NFIC: variants seen among roughly 807,000 people sequenced by gnomAD.
The protein encoded by NFIC is nuclear factor 1 C-type.
A neutral mutation model predicts 54.4 loss-of-function variants in NFIC; 12 were observed. The observed-to-expected ratio is 0.22, with a 90% CI of 0.14 to 0.36. The LOEUF (loss-of-function observed/expected upper bound fraction) is 0.36, where lower values mean the gene tolerates loss of function less well. NFIC is among the 10% of genes least tolerant of loss of function. The probability of loss-of-function intolerance (pLI) is 1.00; values close to 1 mark genes in which losing one functional copy is unlikely to be tolerated. For missense variants in NFIC, 575 were observed against 718.2 expected (o/e 0.80, Z 2.28); for synonymous variants, 322 against 319.2 (o/e 1.01, Z -0.09).
Position 3,452,761 on chromosome 19 carries a change from A to T in NFIC, c.1269+95A>T. 7.0e-7 allele frequency: 1 copy of T among 1,438,594 alleles called. No homozygotes were observed. Among genetic ancestry groups the T allele is most frequent in the East Asian group, 2.3e-5 (1 of 43,212 alleles). The allele number at this position is 1,438,594 out of a possible 1,614,324, so 89.1% of individuals were successfully genotyped here. The stretch of plus-strand genomic sequence containing the variant: ...ACACGAAGGCACAACCTCTGCTTAA[A>T]AGGGTCTTGAGGACTTGGCTCTGAA... On this transcript the variant is annotated intron_variant, in intron 8 of 10. Coordinates refer to ENST00000443272, the MANE Select transcript of NFIC (RefSeq NM_001245002.2). The surrounding 1 kb of genome is among the most constrained non-coding windows in gnomAD (Gnocchi z 5.3).
chr19:3,419,887 G>C (rs1202257639), intron 2 of NFIC, among the ~76,000 whole-genome samples: 1 of 151,974 alleles, frequency 6.6e-6, no homozygotes, highest in East Asian at 1.9e-4. Context: ...CCCAAGAAAG[G>C]GAACTACAAA....
At chr19:3,420,732 T>C (rs1158425604) in intron 2 of NFIC, among the ~76,000 whole-genome samples, 1 of 147,466 alleles carries the variant, frequency 6.8e-6, no homozygotes, top group African/African-American at 2.5e-5. Context: ...TTCATCACCT[T>C]TTTTTTTTTG....
intron 1 of NFIC, among the ~76,000 whole-genome samples, chr19:3,360,092 G>A (rs1471784755): frequency 6.8e-6 from 1 of 147,248 alleles, no homozygotes; most frequent in African/African-American, 2.4e-5. Flanking sequence ...CCCGGGCCAG[G>A]GAGGGGGCGC....
intron 1 of NFIC, among the ~76,000 whole-genome samples, chr19:3,376,200 C>T (rs543240190): frequency 2.0e-4 from 31 of 151,606 alleles, no homozygotes; most frequent in Admixed American, 1.9e-3. Context: ...GGGGCCGAGG[C>T]GGGAGGATCG....
chr19:3,454,535 T>A (rs2082521899), intron 9 of NFIC, among the ~76,000 whole-genome samples: 1 of 151,976 alleles, frequency 6.6e-6, no homozygotes, highest in South Asian at 2.1e-4. Context: ...TGGTTCTGGG[T>A]GGCTGCTGGA....
Position 3,464,434 on chromosome 19 carries a change from C to T in NFIC, c.*1665C>T, listed in dbSNP as rs1351957162. ...CCCTGGCCCTATCCACACCTCCACCCCCACCCCAGGATCGCCATCTTTAGG... is the reference window on the plus strand; with the variant it reads ...CCCTGGCCCTATCCACACCTCCACCTCCACCCCAGGATCGCCATCTTTAGG... On this transcript the variant is annotated 3_prime_UTR_variant, in exon 11 of 11. Coordinates refer to ENST00000443272, the MANE Select transcript of NFIC (RefSeq NM_001245002.2). 149 of 984,852 alleles carry T rather than the reference C, an allele frequency of 1.5e-4. No individual in the cohort carries two copies. The highest frequency in any genetic ancestry group is 1.7e-4 in the Non-Finnish European group (141 of 829,524). 61.0% of individuals were successfully genotyped at this position (984,852 alleles called of 1,614,324 possible). A position where few individuals can be genotyped will look rare whatever the true frequency, so the allele number is the denominator to read the frequency against.
Position 3,458,825 on chromosome 19 carries a change from T to C in NFIC, c.1509+2190T>C, listed in dbSNP as rs1376103780. Among the ~76,000 whole-genome samples the C allele has an allele frequency of 3.9e-5, 6 of 151,960 alleles. No individual in the cohort carries two copies. In the South Asian group the frequency reaches 8.3e-4, roughly 21 times the overall value. On this transcript the variant is annotated intron_variant, in intron 10 of 10. Transcript: ENST00000443272. The surrounding 1 kb of genome is among the most constrained non-coding windows in gnomAD (Gnocchi z 4.1). ...CCACCAGGCCTGGGAGTCAGAACTTTCTGGAGCACAGAAAGGAGGTGACAC... is the reference window on the plus strand; with the variant it reads ...CCACCAGGCCTGGGAGTCAGAACTTCCTGGAGCACAGAAAGGAGGTGACAC...
chr19:3,428,030 C>T (rs768421147), intron 3 of NFIC, among the ~76,000 whole-genome samples: 1 of 151,204 alleles, frequency 6.6e-6, no homozygotes, highest in Non-Finnish European at 1.5e-5. Flanking sequence ...ATTAGCCAGG[C>T]GTGGAGGCAC....
intron 2 of NFIC, among the ~76,000 whole-genome samples, chr19:3,413,907 GC>G (rs1172703629): frequency 1.3e-4 from 20 of 152,108 alleles, no homozygotes; most frequent in African/African-American, 4.8e-4. Context: ...AACCTCCCTA[GC>G]ATTTCAACGA....
Position 3,453,518 on chromosome 19 carries a change from G to A in NFIC, c.1270-245G>A, listed in dbSNP as rs984721309. On this transcript the variant is annotated intron_variant, in intron 8 of 10. Coordinates refer to ENST00000443272, the MANE Select transcript of NFIC (RefSeq NM_001245002.2). This position sits in a 1 kb window ranked among gnomAD's most constrained non-coding sequence, Gnocchi z 6.7. ...GTTGGCGTGCAGGGGGTTTACAGAG[G>A]AGATGCAGTGAGCGTGGCCCCAGTA... Among the ~76,000 whole-genome samples, 8 of 152,194 alleles carry A rather than the reference G, an allele frequency of 5.3e-5. No homozygotes were observed. The highest frequency in any genetic ancestry group is 1.9e-4 in the African/African-American group (8 of 41,456).
At chr19:3,402,779 A>G (rs867297470) in intron 2 of NFIC, among the ~76,000 whole-genome samples, 2 of 152,170 alleles carry the variant, frequency 1.3e-5, no homozygotes, top group African/African-American at 4.8e-5. Flanking sequence ...AGCTGTTTAG[A>G]CAGAGGGAAC....
At position 3,459,231 on chromosome 19, in the gene NFIC, C is replaced by T. The variant is rs1286237859; in HGVS notation, c.1509+2596C>T. Among the ~76,000 whole-genome samples, 1 of 150,918 alleles carries T rather than the reference C, an allele frequency of 6.6e-6. No homozygotes were observed. Among genetic ancestry groups the T allele is most frequent in the African/African-American group, 2.4e-5 (1 of 40,940 alleles). On this transcript the variant is annotated intron_variant, in intron 10 of 10. Coordinates refer to ENST00000443272, the MANE Select transcript of NFIC (RefSeq NM_001245002.2). The surrounding 1 kb of genome is among the most constrained non-coding windows in gnomAD (Gnocchi z 4.2). The stretch of plus-strand genomic sequence containing the variant: ...CCCTCTGCCTCTCCGGCTCCCGACA[C>T]CCCCCAGTCCATGGACTCTCCCCCC...
intron 6 of NFIC, among the ~76,000 whole-genome samples, chr19:3,440,082 C>T (rs11085019): frequency 0.069 from 10,430 of 152,018 alleles, 1,172 homozygotes; most frequent in African/African-American, 0.23. Flanking sequence ...TATTAATTCG[C>T]GGCTAAGCTA....
chr19:3,441,768 G>A (rs973810513), intron 6 of NFIC, among the ~76,000 whole-genome samples: 23 of 152,180 alleles, frequency 1.5e-4, no homozygotes, highest in African/African-American at 5.1e-4. Flanking sequence ...GTCCCAAGCC[G>A]GGTGCCTCCG....
chr19:3,403,832 C>A (rs1346844354), intron 2 of NFIC, among the ~76,000 whole-genome samples: 1 of 152,038 alleles, frequency 6.6e-6, no homozygotes, highest in Non-Finnish European at 1.5e-5. Context: ...CCGCCACCCC[C>A]CGCCGCGCCC....
intron 6 of NFIC, among the ~76,000 whole-genome samples, chr19:3,448,559 TC>T (rs1222858628): frequency 6.6e-6 from 1 of 152,118 alleles, no homozygotes; most frequent in East Asian, 1.9e-4. Context: ...CTCCGTTCCT[TC>T]CTCCCGCGTG....
intron 1 of NFIC, among the ~76,000 whole-genome samples, chr19:3,374,496 G>A (rs1170641361): frequency 1.3e-5 from 2 of 152,190 alleles, no homozygotes; most frequent in Non-Finnish European, 2.9e-5. Context: ...TTCAGATGGT[G>A]AAAATAGACC....
intron 2 of NFIC, among the ~76,000 whole-genome samples, chr19:3,418,189 C>T (rs137969231): frequency 6.6e-6 from 1 of 151,452 alleles, no homozygotes; most frequent in East Asian, 1.9e-4. Flanking sequence ...ACCTCCACCT[C>T]CCAGGCTTAA....
At chr19:3,387,561 G>A (rs1454124458) in intron 2 of NFIC, among the ~76,000 whole-genome samples, 1 of 152,060 alleles carries the variant, frequency 6.6e-6, no homozygotes, top group African/African-American at 2.4e-5. Flanking sequence ...AAAGCAGGGA[G>A]GGACATGGAG....
Sources: allele counts gnomAD v4.1 joint callset (sites outside exome capture counted in the v4.1 genomes callset), GRCh38; gene constraint gnomAD v4.1.1; non-coding constraint Gnocchi (gnomAD v3.1); transcripts MANE v1.5; gene names NCBI Gene and HGNC (gene_info 2026-07-23, HGNC 2026-07-21).